PPIP5K1: variants seen among roughly 807,000 people sequenced by gnomAD.
PPIP5K1 encodes the protein inositol hexakisphosphate and diphosphoinositol-pentakisphosphate kinase 1.
PPIP5K1 carries 6 observed loss-of-function variants against 27.7 expected under a neutral mutation model. The observed-to-expected ratio is 0.22, with a 90% confidence interval of 0.12 to 0.43. PPIP5K1 has a LOEUF of 0.43. Among genes scored for constraint, PPIP5K1 ranks in the 20% least tolerant of loss-of-function variants. The probability of loss-of-function intolerance (pLI) is 1.00; values close to 1 mark genes in which losing one functional copy is unlikely to be tolerated. For synonymous variants in PPIP5K1, 145 were observed against 242.6 expected (o/e 0.60, Z 3.74); for missense variants, 394 against 635.4 (o/e 0.62, Z 4.08).
At chr15:43,541,804 G>A (rs2080760679) in intron 30 of PPIP5K1, among the ~76,000 whole-genome samples, 1 of 151,708 alleles carries the variant, frequency 6.6e-6, no homozygotes, top group South Asian at 2.1e-4. Flanking sequence ...CCACATTCTG[G>A]ACTTGTCTAA....
At chr15:43,543,058 T>C (rs1478149454) in intron 30 of PPIP5K1, among the ~76,000 whole-genome samples, 1 of 151,866 alleles carries the variant, frequency 6.6e-6, no homozygotes, top group East Asian at 1.9e-4. Context: ...TGCTTTCCTT[T>C]ACAACATGCT....
intron 30 of PPIP5K1, 89 bp downstream of exon 30, chr15:43,558,706 A>T (rs909959324): frequency 1.3e-6 from 2 of 1,542,544 alleles, no homozygotes; most frequent in African/African-American, 2.7e-5. Context: ...GGATTGCCTA[A>T]CTAGCTTTCT....
chr15:43,538,808 G>T (rs1595700492), intron 31 of PPIP5K1, among the ~76,000 whole-genome samples: 1 of 149,578 alleles, frequency 6.7e-6, no homozygotes, highest in African/African-American at 2.5e-5. Flanking sequence ...CATCATGCCC[G>T]GCCTCCTGCT....
chr15:43,555,122 C>G (rs2082769320), intron 30 of PPIP5K1, among the ~76,000 whole-genome samples: 1 of 152,074 alleles, frequency 6.6e-6, no homozygotes, highest in African/African-American at 2.4e-5. Flanking sequence ...CAGGCGTGAG[C>G]CACCATGCCC....
intron 30 of PPIP5K1, among the ~76,000 whole-genome samples, chr15:43,554,005 G>T (rs986836077): frequency 2.0e-5 from 3 of 152,088 alleles, no homozygotes; most frequent in African/African-American, 7.2e-5. Flanking sequence ...GTATTGGCTG[G>T]GCACAGTGGC....
chr15:43,542,549 C>T (rs550838290), intron 30 of PPIP5K1, among the ~76,000 whole-genome samples: 12 of 151,298 alleles, frequency 7.9e-5, no homozygotes, highest in Admixed American at 3.3e-4. Flanking sequence ...CCTTGGCCTT[C>T]GAAAGTGCTG....
intron 30 of PPIP5K1, chr15:43,548,476 G>C (rs1197908598): frequency 6.7e-6 from 1 of 148,670 alleles, no homozygotes; most frequent in Non-Finnish European, 1.5e-5. Flanking sequence ...TCTTGAACTT[G>C]TGAGCTTAAG....
At chr15:43,540,383 G>A (rs2080504658) in intron 30 of PPIP5K1, among the ~76,000 whole-genome samples, 1 of 152,016 alleles carries the variant, frequency 6.6e-6, no homozygotes, top group Non-Finnish European at 1.5e-5. Context: ...GGTCAACATG[G>A]AGAAACCCCG....
chr15:43,554,898 C>T (rs867229283), intron 30 of PPIP5K1, among the ~76,000 whole-genome samples: 2 of 151,862 alleles, frequency 1.3e-5, no homozygotes, highest in South Asian at 2.1e-4. Context: ...GCCAGTAGCA[C>T]GATCTTGGCT....
chr15:43,546,298 T>C (rs1193920743), intron 30 of PPIP5K1, among the ~76,000 whole-genome samples: 1 of 152,208 alleles, frequency 6.6e-6, no homozygotes, highest in African/African-American at 2.4e-5. Context: ...TCAGTTGTTT[T>C]TACCTTTTGA....
At chr15:43,541,487 C>A (rs1424055563) in intron 30 of PPIP5K1, among the ~76,000 whole-genome samples, 1 of 151,966 alleles carries the variant, frequency 6.6e-6, no homozygotes, top group African/African-American at 2.4e-5. Context: ...GAGGCCGAGG[C>A]GGGTAGATCA....
At chr15:43,553,268 T>C (rs1372183226) in intron 30 of PPIP5K1, among the ~76,000 whole-genome samples, 1 of 152,210 alleles carries the variant, frequency 6.6e-6, no homozygotes, top group African/African-American at 2.4e-5. Flanking sequence ...AGTTGTTGGA[T>C]GGAATGGTCT....
At position 43,534,215 on chromosome 15, in the gene PPIP5K1, G is replaced by T. The variant is rs1356393409; in HGVS notation, c.*459C>A. The stretch of plus-strand genomic sequence containing the variant: ...CTTTTGCATTTGCTGTCGCCAGATG[G>T]TGTCTTCAGCAGTGAAGCGGCATTT... On this transcript the variant is annotated 3_prime_UTR_variant, in exon 32 of 32. Transcript: ENST00000420765. 1 of 154,766 alleles carries T rather than the reference G, an allele frequency of 6.5e-6. No individual in the cohort carries two copies. The highest frequency in any genetic ancestry group is 2.4e-5 in the African/African-American group (1 of 41,518). 9.6% of individuals were successfully genotyped at this position (154,766 alleles called of 1,614,324 possible).
At position 43,549,043 on chromosome 15, in the gene PPIP5K1, AAAAAAAAAAAAAAATATATATAT is replaced by A. The variant is rs1263105368; in HGVS notation, c.3557-9483_3557-9461del. On this transcript the variant is annotated intron_variant, in intron 30 of 31. Coordinates refer to ENST00000420765, the MANE Select transcript of PPIP5K1 (RefSeq NM_001394395.1). ...ACTCCATCTCAAAAAAAAAAAAAAA[AAAAAAAAAAAAAAATATATATAT>A]ATATATATATATATACATATATATA... 7.0e-3 allele frequency among the ~76,000 whole-genome samples: 680 copies of A among 96,934 alleles called. 17 individuals are homozygous for A. The highest frequency in any genetic ancestry group is 0.038 in the East Asian group (135 of 3,564). 63.6% of individuals were successfully genotyped at this position (96,934 alleles called of 152,430 possible). A position where few individuals can be genotyped will look rare whatever the true frequency, so the allele number is the denominator to read the frequency against.
chr15:43,535,932 A>T (rs1420379890), intron 31 of PPIP5K1, among the ~76,000 whole-genome samples: 1 of 152,146 alleles, frequency 6.6e-6, no homozygotes, highest in Non-Finnish European at 1.5e-5. Context: ...AGTTTGGAGG[A>T]GGGAGGAGGA....
Position 43,581,096 on chromosome 15 carries a change from G to T in PPIP5K1, c.967C>A (p.Arg323Ser). The T allele has an allele frequency of 1.4e-6, 2 of 1,475,720 alleles. No individual in the cohort carries two copies. The highest frequency in any genetic ancestry group is 1.8e-6 in the Non-Finnish European group (2 of 1,090,670). 91.4% of individuals were successfully genotyped at this position (1,475,720 alleles called of 1,614,324 possible). Reference sequence around the variant, plus strand: ...CACACAAAGGAATGACCATTGGCACGAAGAAGGTCAAATCCACAAACTGTT... The same window carrying T: ...CACACAAAGGAATGACCATTGGCACTAAGAAGGTCAAATCCACAAACTGTT... ...KQTVCGFDLL[R>S]ANGHSFVCDV... The change falls in exon 10 of 32, where the codon CGT becomes AGT. Residue 323 changes from arginine (R) to serine (S), a missense_variant. Physicochemically the swap from Arg to Ser is moderately radical, Grantham distance 110. This residue lies in a region of PPIP5K1 where 10 missense variants were observed against 90.2 expected (regional missense o/e 0.11). Coordinates refer to ENST00000420765, the MANE Select transcript of PPIP5K1 (RefSeq NM_001394395.1).
intron 30 of PPIP5K1, among the ~76,000 whole-genome samples, chr15:43,546,172 CATA>C (rs1187666562): frequency 1.3e-5 from 2 of 152,166 alleles, no homozygotes; most frequent in African/African-American, 2.4e-5. Context: ...TTGCATTTGG[CATA>C]ATGTTTTTAA....
At chr15:43,559,355 T>C (rs1425658546) in intron 29 of PPIP5K1, among the ~76,000 whole-genome samples, 2 of 152,184 alleles carry the variant, frequency 1.3e-5, no homozygotes, top group Admixed American at 1.3e-4. Context: ...CAGCAGATTT[T>C]GGGTATCATG....
chr15:43,536,567 T>G (rs1237231033), intron 31 of PPIP5K1, among the ~76,000 whole-genome samples: 1 of 152,202 alleles, frequency 6.6e-6, no homozygotes, highest in Non-Finnish European at 1.5e-5. Flanking sequence ...TATAAGAATA[T>G]TCACACTAAT....
Sources: allele counts gnomAD v4.1 joint callset (sites outside exome capture counted in the v4.1 genomes callset), GRCh38; gene constraint gnomAD v4.1.1; regional missense constraint gnomAD v4.1.1; transcripts MANE v1.5; gene names NCBI Gene and HGNC (gene_info 2026-07-23, HGNC 2026-07-21).